The following CD9 variants were observed in gnomAD, a reference collection of about 807,000 sequenced individuals.
CD9 encodes CD9 antigen.
In CD9, 10 loss-of-function variants were observed where a neutral mutation model predicts 31.4. The observed-to-expected ratio is 0.32, with a 90% CI of 0.20 to 0.54. CD9 has a LOEUF of 0.54. CD9 is among the 20% of genes least tolerant of loss of function. The pLI, the probability that CD9 is intolerant of heterozygous loss-of-function variation, is 0.94. For missense variants in CD9, 259 were observed against 300.1 expected (o/e 0.86, Z 1.01); for synonymous variants, 113 against 114.1 (o/e 0.99, Z 0.06).
At chr12:6,203,204 G>A (rs750924144) in intron 1 of CD9, among the ~76,000 whole-genome samples, 10 of 152,130 alleles carry the variant, frequency 6.6e-5, no homozygotes, top group Non-Finnish European at 7.3e-5. Flanking sequence ...AAGGTGATGC[G>A]GCAGGGTGGT....
chr12:6,210,940 G>T (rs966230069), intron 1 of CD9, among the ~76,000 whole-genome samples: 1 of 151,252 alleles, frequency 6.6e-6, no homozygotes, highest in Non-Finnish European at 1.5e-5. Flanking sequence ...GGGTTCAAGC[G>T]ATTGAACAGC....
chr12:6,223,176 C>T (rs942000967), intron 1 of CD9, among the ~76,000 whole-genome samples: 11 of 152,058 alleles, frequency 7.2e-5, no homozygotes, highest in Admixed American at 7.2e-4. Flanking sequence ...GTCCAGGAGG[C>T]CAGCAGCTTC....
chr12:6,200,956 A>G lies in CD9; in HGVS notation c.66+391A>G, dbSNP rs891785345. On this transcript the variant is annotated intron_variant, in intron 1 of 7. Transcript: ENST00000009180. ...AAGCGGAGCACCCCTCTTTGGGCCA[A>G]GGCCAAGGAGGACTGTGGTGAGCAG... 16 of 176,620 alleles carry G rather than the reference A, an allele frequency of 9.1e-5. No homozygotes were observed. The South Asian group carries it at 2.2e-3, about 24-fold the overall frequency. The allele number at this position is 176,620 out of a possible 1,614,324, so 10.9% of individuals were successfully genotyped here.
intron 6 of CD9, 144 bp from the exon 7 acceptor site, chr12:6,236,048 A>C (rs1946517943): frequency 2.1e-6 from 3 of 1,451,000 alleles, no homozygotes; most frequent in South Asian, 2.9e-5. Context: ...CACCAGCCAG[A>C]ACTTCTCTTA....
chr12:6,206,363 C>T (rs2136601251), intron 1 of CD9, among the ~76,000 whole-genome samples: 1 of 152,178 alleles, frequency 6.6e-6, no homozygotes, highest in South Asian at 2.1e-4. Context: ...ACTGGGACTA[C>T]AGGCATGTGC....
At chr12:6,210,829 G>T (rs2136606645) in intron 1 of CD9, among the ~76,000 whole-genome samples, 1 of 146,760 alleles carries the variant, frequency 6.8e-6, no homozygotes. Context: ...GATCTCAGTT[G>T]AGCAACTTTT....
chr12:6,235,609 T>C lies in CD9; in HGVS notation c.537+44T>C, dbSNP rs1224037910. 3 of 1,565,802 alleles carry C rather than the reference T, an allele frequency of 1.9e-6. 1 individual carries two copies. In the Middle Eastern group the frequency reaches 5.1e-4, roughly 267 times the overall value. On this transcript the variant is annotated intron_variant, in intron 6 of 7. Transcript: ENST00000009180. ...CCTGGTGTCCCTGCCCCCATTGCTCTGGACAAACCCTGCAAGCATGAAAGT... is the reference window on the plus strand; with the variant it reads ...CCTGGTGTCCCTGCCCCCATTGCTCCGGACAAACCCTGCAAGCATGAAAGT...
intron 1 of CD9, among the ~76,000 whole-genome samples, chr12:6,205,807 G>A (rs1232676982): frequency 6.6e-6 from 1 of 152,208 alleles, no homozygotes; most frequent in African/African-American, 2.4e-5. Context: ...GAGCCTGGCT[G>A]TGAGGGTAGG....
chr12:6,228,796 A>G (rs576905242), intron 2 of CD9, among the ~76,000 whole-genome samples: 49 of 152,236 alleles, frequency 3.2e-4, no homozygotes, highest in African/African-American at 1.1e-3. Context: ...CACCCTGGCT[A>G]CTTTTCCAAG....
rs185237451 is a variant in CD9, at chr12:6,223,596, G to A, written c.67-1830G>A. Among the ~76,000 whole-genome samples the A allele has an allele frequency of 5.4e-3, 821 of 152,266 alleles. 8 individuals carry two copies. The highest frequency in any genetic ancestry group is 0.018 in the African/African-American group (744 of 41,554). On this transcript the variant is annotated intron_variant, in intron 1 of 7. Transcript: ENST00000009180. ...CTTTTAATGCTCAGGGACCTGGGGG[G>A]GGACCCAGGCCAGGACTTGCCATGT...
At chr12:6,222,666 G>A (rs112948071) in intron 1 of CD9, among the ~76,000 whole-genome samples, 1 of 152,294 alleles carries the variant, frequency 6.6e-6, no homozygotes, top group African/African-American at 2.4e-5. Flanking sequence ...CACAGAGACC[G>A]GATCAATGAC....
chr12:6,225,321 C>T (rs774139306), intron 1 of CD9, 105 bp from the exon 2 acceptor site: 6 of 754,214 alleles, frequency 8.0e-6, no homozygotes, highest in Non-Finnish European at 1.4e-5. Flanking sequence ...GGGGCAGAGA[C>T]CAAGGGTGGT....
intron 5 of CD9, 30 bp from the exon 6 acceptor site, chr12:6,235,446 C>T (rs767839568): frequency 4.3e-6 from 7 of 1,613,550 alleles, no homozygotes; most frequent in Non-Finnish European, 8.5e-7. Context: ...ATTTGTTTCT[C>T]TCATCCCCAT....
At chr12:6,223,497 G>A (rs1388605039) in intron 1 of CD9, among the ~76,000 whole-genome samples, 6 of 152,078 alleles carry the variant, frequency 3.9e-5, no homozygotes, top group Admixed American at 2.0e-4. Context: ...TCCTGACCTC[G>A]TGATCCACCC....
intron 1 of CD9, among the ~76,000 whole-genome samples, chr12:6,204,221 A>G (rs1946105328): frequency 1.3e-5 from 2 of 152,132 alleles, no homozygotes; most frequent in African/African-American, 2.4e-5. Flanking sequence ...TATGAACCCA[A>G]CACCCCTACA....
chr12:6,230,077 A>G (rs747859130), intron 2 of CD9, among the ~76,000 whole-genome samples: 2 of 152,306 alleles, frequency 1.3e-5, no homozygotes, highest in Non-Finnish European at 2.9e-5. Context: ...TAGCCCTTGT[A>G]AAAACCAGCC....
intron 1 of CD9, among the ~76,000 whole-genome samples, chr12:6,202,728 A>C (rs962779486): frequency 6.6e-6 from 1 of 152,208 alleles, no homozygotes; most frequent in African/African-American, 2.4e-5. Context: ...GGTGCAGCTG[A>C]TGACCTATGT....
intron 4 of CD9, 120 bp from the exon 5 acceptor site, chr12:6,235,109 C>A: frequency 1.3e-6 from 1 of 773,684 alleles, no homozygotes; most frequent in Non-Finnish European, 2.2e-6. Context: ...GTGACGTTGT[C>A]CAAGCACAGG....
intron 1 of CD9, among the ~76,000 whole-genome samples, chr12:6,223,981 T>C (rs1300500721): frequency 6.6e-6 from 1 of 152,238 alleles, no homozygotes; most frequent in East Asian, 1.9e-4. Flanking sequence ...GTTTTTCTCC[T>C]CTGCCTTGTC....
Sources: allele counts gnomAD v4.1 joint callset (sites outside exome capture counted in the v4.1 genomes callset), GRCh38; gene constraint gnomAD v4.1.1; transcripts MANE v1.5; gene names NCBI Gene and HGNC (gene_info 2026-07-23, HGNC 2026-07-21).